ADGRB3: variants seen among roughly 807,000 people sequenced by gnomAD.
ADGRB3 encodes adhesion G protein-coupled receptor B3, also known as brain-specific angiogenesis inhibitor 3.
In ADGRB3, 37 loss-of-function variants were observed where a neutral mutation model predicts 193.4. The observed-to-expected ratio is 0.19, with a 90% CI of 0.15 to 0.25. The LOEUF (loss-of-function observed/expected upper bound fraction) is 0.25. Ranked by LOEUF, ADGRB3 falls within the 10% of genes least tolerant of loss-of-function variation. The pLI is 1.00. For synonymous variants in ADGRB3, 690 were observed against 644.2 expected, an observed-to-expected ratio of 1.07 and a Z score of -1.08; for missense variants, 1,637 against 1,852.9, an observed-to-expected ratio of 0.88 and a Z score of 2.14.
At chr6:68,933,169 T>G (rs1474658529) in intron 4 of ADGRB3, among the ~76,000 whole-genome samples, 1 of 151,936 alleles carries the variant, frequency 6.6e-6, no homozygotes, top group Non-Finnish European at 1.5e-5. Context: ...ATATCCTAGT[T>G]ACATTTTCTT....
At chr6:68,862,231 A>G (rs1765177126) in intron 3 of ADGRB3, among the ~76,000 whole-genome samples, 1 of 151,494 alleles carries the variant, frequency 6.6e-6, no homozygotes, top group South Asian at 2.1e-4. Flanking sequence ...CCTCTTTTCC[A>G]AAATCTGACC....
chr6:69,370,432 G>A (rs749879348), intron 29 of ADGRB3, among the ~76,000 whole-genome samples: 1 of 151,770 alleles, frequency 6.6e-6, no homozygotes, highest in Non-Finnish European at 1.5e-5. Context: ...CCATCTTTAG[G>A]TTCTTTTGAT....
At chr6:69,041,393 T>G (rs1392537328) in intron 13 of ADGRB3, among the ~76,000 whole-genome samples, 1 of 152,192 alleles carries the variant, frequency 6.6e-6, no homozygotes, top group Admixed American at 6.5e-5. Flanking sequence ...ACTGGTATAG[T>G]TATGATCTCC....
chr6:69,024,147 G>C (rs957428818), intron 13 of ADGRB3, among the ~76,000 whole-genome samples: 2 of 152,000 alleles, frequency 1.3e-5, no homozygotes, highest in African/African-American at 4.8e-5. Flanking sequence ...TGATATCTAC[G>C]TTAAAAACAA....
intron 17 of ADGRB3, among the ~76,000 whole-genome samples, chr6:69,110,489 G>T (rs1187904179): frequency 6.6e-6 from 1 of 152,096 alleles, no homozygotes; most frequent in Non-Finnish European, 1.5e-5. Context: ...TATAAAAAAT[G>T]TTTAAAATTC....
chr6:68,800,625 T>G (rs187486711), intron 3 of ADGRB3, among the ~76,000 whole-genome samples: 84 of 152,270 alleles, frequency 5.5e-4, no homozygotes, highest in African/African-American at 1.9e-3. Context: ...TATCTGTGAA[T>G]TTCAGTGACA....
At chr6:68,858,711 G>C (rs963806239) in intron 3 of ADGRB3, among the ~76,000 whole-genome samples, 1 of 152,096 alleles carries the variant, frequency 6.6e-6, no homozygotes, top group African/African-American at 2.4e-5. Context: ...AATGGCTTGG[G>C]GCTTGCACCC....
rs190706786 is a variant in ADGRB3, at chr6:69,249,572, G to A, written c.2814+10346G>A. Among the ~76,000 whole-genome samples, 10 of 152,276 alleles carry A rather than the reference G, an allele frequency of 6.6e-5. No individual in the cohort carries two copies. In the East Asian group the frequency reaches 1.9e-3, roughly 29 times the overall value. ...CTTGGGCAGAGAAGTAACATCTGAA[G>A]CAGAAAATAGAGATGGCAGAGTCAA... On this transcript the variant is annotated intron_variant, in intron 20 of 31. Transcript: ENST00000370598.
chr6:69,086,905 G>A (rs962218120), intron 17 of ADGRB3, among the ~76,000 whole-genome samples: 1 of 151,956 alleles, frequency 6.6e-6, no homozygotes, highest in Admixed American at 6.6e-5. Context: ...ACCTTTTCAC[G>A]CCAGGAATTG....
chr6:69,073,987 T>C (rs1772153877), intron 16 of ADGRB3, among the ~76,000 whole-genome samples: 3 of 152,176 alleles, frequency 2.0e-5, no homozygotes, highest in African/African-American at 7.2e-5. Flanking sequence ...AATCGTGATT[T>C]AATGTGACCA....
chr6:68,703,591 T>C lies in ADGRB3; in HGVS notation c.757+64159T>C, dbSNP rs1037972408. On this transcript the variant is annotated intron_variant, in intron 3 of 31. Transcript: ENST00000370598. ...TATGTTTACAAAATACCTAAAATAT[T>C]AAATAAAAAGAACCCCATTCATTAA... Among the ~76,000 whole-genome samples the C allele has an allele frequency of 2.3e-4, 35 of 152,152 alleles. 1 individual carries two copies. Among genetic ancestry groups the C allele is most frequent in the South Asian group, 2.1e-4 (1 of 4,826 alleles).
intron 17 of ADGRB3, among the ~76,000 whole-genome samples, chr6:69,156,704 A>G (rs1774849810): frequency 6.6e-6 from 1 of 152,224 alleles, no homozygotes; most frequent in African/African-American, 2.4e-5. Flanking sequence ...GCAAAGAGAC[A>G]AGAATGAAAA....
intron 17 of ADGRB3, among the ~76,000 whole-genome samples, chr6:69,191,487 ATTAC>A (rs974542190): frequency 6.6e-6 from 1 of 152,174 alleles, no homozygotes; most frequent in Non-Finnish European, 1.5e-5. Context: ...ATTCAAATAT[ATTAC>A]TTTTACATGA....
At chr6:68,887,482 T>C (rs1406381136) in intron 3 of ADGRB3, among the ~76,000 whole-genome samples, 6 of 152,128 alleles carry the variant, frequency 3.9e-5, no homozygotes, top group Admixed American at 2.6e-4. Context: ...ATTTCTTAAG[T>C]ACTATTTTCC....
At chr6:69,339,196 T>C (rs1254011479) in intron 25 of ADGRB3, 137 bp from the exon 26 acceptor site, 2 of 1,189,286 alleles carry the variant, frequency 1.7e-6, no homozygotes, top group Non-Finnish European at 2.4e-6. Context: ...AATAAGACTC[T>C]CAAATGTCAT....
chr6:68,813,035 A>G (rs779115984), intron 3 of ADGRB3, among the ~76,000 whole-genome samples: 4 of 152,136 alleles, frequency 2.6e-5, no homozygotes, highest in Non-Finnish European at 4.4e-5. Flanking sequence ...TCAAATCTCA[A>G]CGTGAAGTGT....
At chr6:68,650,879 A>G (rs1429822584) in intron 3 of ADGRB3, among the ~76,000 whole-genome samples, 2 of 152,156 alleles carry the variant, frequency 1.3e-5, no homozygotes, top group African/African-American at 2.4e-5. Context: ...TTTCTTCTAG[A>G]CTTCTATTGA....
intron 20 of ADGRB3, among the ~76,000 whole-genome samples, chr6:69,317,871 A>G (rs1768351598): frequency 6.6e-6 from 1 of 151,512 alleles, no homozygotes; most frequent in African/African-American, 2.4e-5. Context: ...CATTTTCCAA[A>G]TGACATTGTT....
chr6:69,192,491 C>T (rs1383182101), intron 17 of ADGRB3, among the ~76,000 whole-genome samples: 1 of 152,148 alleles, frequency 6.6e-6, no homozygotes, highest in African/African-American at 2.4e-5. Flanking sequence ...CCCTCACAGA[C>T]ACACCCAGGA....
Sources: allele counts gnomAD v4.1 joint callset (sites outside exome capture counted in the v4.1 genomes callset), GRCh38; gene constraint gnomAD v4.1.1; transcripts MANE v1.5; gene names NCBI Gene and HGNC (gene_info 2026-07-23, HGNC 2026-07-21).